Variants in RYR3 observed in about 807,000 individuals in gnomAD.
RYR3 encodes brain ryanodine receptor-calcium release channel.
Under a neutral mutation model 584.3 loss-of-function variants are expected in RYR3, and 207 were observed. That is an observed-to-expected ratio of 0.35 (90% CI 0.32 to 0.40). The LOEUF (loss-of-function observed/expected upper bound fraction) is 0.40. Ranked by LOEUF, RYR3 falls within the 10% of genes least tolerant of loss-of-function variation. RYR3 has a pLI of 1.00. For missense variants in RYR3, 5,616 were observed against 6,089.2 expected, an observed-to-expected ratio of 0.92 and a Z score of 2.59; for synonymous variants, 2,416 against 2,248.5, an observed-to-expected ratio of 1.07 and a Z score of -2.11.
In RYR3 at chr15:33,547,213, T is replaced by C. The variant is rs2056313893; in HGVS notation, c.741-917T>C. Among the ~76,000 whole-genome samples, 3 of 152,104 alleles carry C rather than the reference T, an allele frequency of 2.0e-5. No individual in the cohort carries two copies. The South Asian group carries it at 6.2e-4, about 32-fold the overall frequency. ...CCAAGTTGAGACACATTTCACAAAA[T>C]ACCCAACCGGTACTCCACAAAACTG... On this transcript the variant is annotated intron_variant, in intron 8 of 103. Transcript: ENST00000634891.
At chr15:33,404,278 A>T (rs1040625585) in intron 1 of RYR3, among the ~76,000 whole-genome samples, 1 of 152,200 alleles carries the variant, frequency 6.6e-6, no homozygotes. Flanking sequence ...TTGAACGTGT[A>T]TGTGTTCATG....
chr15:33,485,220 C>T (rs2050306683), intron 2 of RYR3, among the ~76,000 whole-genome samples: 1 of 152,106 alleles, frequency 6.6e-6, no homozygotes, highest in Non-Finnish European at 1.5e-5. Flanking sequence ...CCAGTGACAA[C>T]CTTGGAGGGA....
At chr15:33,399,849 A>C (rs2042537577) in intron 1 of RYR3, among the ~76,000 whole-genome samples, 1 of 152,160 alleles carries the variant, frequency 6.6e-6, no homozygotes, top group Non-Finnish European at 1.5e-5. Flanking sequence ...GTATATGTAT[A>C]TACATACAAT....
At chr15:33,732,240 T>A (rs1357571236) in intron 48 of RYR3, among the ~76,000 whole-genome samples, 57 of 138,918 alleles carry the variant, frequency 4.1e-4, no homozygotes, top group Non-Finnish European at 7.0e-4. Context: ...AAAAAAAAAA[T>A]AGCCGGGTAT....
At chr15:33,851,115 T>C (rs2079078886) in intron 94 of RYR3, 1 of 152,182 alleles carries the variant, frequency 6.6e-6, no homozygotes, top group Non-Finnish European at 1.5e-5. Context: ...TTCCATTATG[T>C]ATATTATCAC....
chr15:33,400,188 C>T (rs557261283), intron 1 of RYR3, among the ~76,000 whole-genome samples: 12 of 152,242 alleles, frequency 7.9e-5, no homozygotes, highest in African/African-American at 2.4e-4. Context: ...GAGTCAAGCA[C>T]GTTAATTCAT....
intron 96 of RYR3, among the ~76,000 whole-genome samples, chr15:33,854,003 C>G (rs11852646): frequency 0.047 from 7,146 of 152,012 alleles, 452 homozygotes; most frequent in African/African-American, 0.14. Context: ...ACCAGCCTGG[C>G]CAACATAGTG....
In RYR3 at chr15:33,731,525, TCTG is replaced by T; in HGVS notation, c.7259_7261del (p.Ala2420del). 3 of 1,613,838 alleles carry T rather than the reference TCTG, an allele frequency of 1.9e-6. No individual in the cohort carries two copies. Among genetic ancestry groups the T allele is most frequent in the Non-Finnish European group, 2.5e-6 (3 of 1,179,832 alleles). ...GCTTGCACTAAATAGGTATATATGT[TCTG>T]CTGTGCTCCCGCTCCTCACAAGATG... On this transcript the variant is annotated inframe_deletion, in exon 48 of 104. Transcript: ENST00000634891.
chr15:33,538,107 T>A (rs1034880941), intron 5 of RYR3, among the ~76,000 whole-genome samples: 3 of 152,180 alleles, frequency 2.0e-5, no homozygotes, highest in Non-Finnish European at 4.4e-5. Flanking sequence ...TAAGATTTTT[T>A]AAGTTTTCAT....
At chr15:33,542,999 C>A (rs10152838) in intron 7 of RYR3, among the ~76,000 whole-genome samples, 24,317 of 152,006 alleles carry the variant, frequency 0.16, 4,848 homozygotes, top group African/African-American at 0.47. Context: ...GATTCTTTTC[C>A]TTATTCTGAA....
chr15:33,862,639 C>T (rs532693386), intron 102 of RYR3, among the ~76,000 whole-genome samples: 1 of 152,224 alleles, frequency 6.6e-6, no homozygotes, highest in South Asian at 2.1e-4. Flanking sequence ...TTTATTGAGA[C>T]AGTCTCTGTC....
intron 27 of RYR3, among the ~76,000 whole-genome samples, chr15:33,640,770 G>A (rs1199885672): frequency 1.3e-5 from 2 of 152,270 alleles, no homozygotes; most frequent in East Asian, 1.9e-4. Flanking sequence ...CATCTTGGCC[G>A]AAGACTGTGC....
intron 99 of RYR3, 34 bp downstream of exon 99, chr15:33,857,948 C>T (rs769154833): frequency 1.2e-6 from 2 of 1,610,304 alleles, no homozygotes; most frequent in East Asian, 2.2e-5. Context: ...CCAGCCCACC[C>T]ACTGCGGGGC....
intron 33 of RYR3, 28 bp downstream of exon 33, chr15:33,659,834 C>G: frequency 6.9e-7 from 1 of 1,445,670 alleles, no homozygotes. Flanking sequence ...CATCTAATGG[C>G]CATGACAAGA....
Position 33,539,371 on chromosome 15 carries a change from T to C in RYR3, c.455T>C (p.Ile152Thr), listed in dbSNP as rs909638959. The C allele has an allele frequency of 2.5e-6, 4 of 1,596,260 alleles. No homozygotes were observed. Among genetic ancestry groups the C allele is most frequent in the Non-Finnish European group, 3.4e-6 (4 of 1,170,676 alleles). Residue 152 changes from isoleucine to threonine, a missense_variant, in exon 6 of 104, where the codon ATA (isoleucine) becomes ACA (threonine). This residue lies in a region of RYR3 where 1,284 missense variants were observed against 1,344.6 expected (regional missense o/e 0.95). Coordinates refer to ENST00000634891, the MANE Select transcript of RYR3 (RefSeq NM_001036.6). Reference sequence around the variant, plus strand: ...GTAGGAGAAGCCTGTTGGTGGACTATACATCCTGCTTCCAAACAGAGGTCC... The same window carrying C: ...GTAGGAGAAGCCTGTTGGTGGACTACACATCCTGCTTCCAAACAGAGGTCC... ...HATGEACWWTIHPASKQRSEG... is the reference protein window; with the variant it reads ...HATGEACWWTTHPASKQRSEG...
intron 94 of RYR3, chr15:33,851,116 A>G (rs554268217): frequency 2.0e-5 from 3 of 152,236 alleles, no homozygotes; most frequent in South Asian, 4.1e-4. Flanking sequence ...TCCATTATGT[A>G]TATTATCACA....
intron 19 of RYR3, among the ~76,000 whole-genome samples, chr15:33,618,557 G>A (rs1409080297): frequency 6.6e-6 from 1 of 152,152 alleles, no homozygotes; most frequent in Admixed American, 6.5e-5. Flanking sequence ...TTAGCGATAG[G>A]GGCTAAAGAT....
rs757138267 is a variant in RYR3, at chr15:33,670,446, A to G, written c.5750A>G (p.Glu1917Gly). 10 of 1,613,780 alleles carry G rather than the reference A, an allele frequency of 6.2e-6. No homozygotes were observed. Among genetic ancestry groups the G allele is most frequent in the Non-Finnish European group, 8.5e-6 (10 of 1,179,778 alleles). ...CGVPLEEEEE[E>G]EEDTSWTGKL... ...GTTCCTTTGGAAGAAGAGGAAGAGG[A>G]GGAGGAGGACACCTCCTGGACAGGA... Residue 1917 changes from glutamate (E) to glycine (G), a missense_variant, in exon 38 of 104, where the codon GAG becomes GGG. By Grantham distance (98) the Glu-to-Gly change is moderately conservative. Around this residue, in one of 9 missense-constraint regions of RYR3, gnomAD observed 1,280 missense variants for 1,426.2 expected, o/e 0.90. Transcript: ENST00000634891.
chr15:33,461,783 G>A (rs192703534), intron 1 of RYR3, among the ~76,000 whole-genome samples: 2 of 152,292 alleles, frequency 1.3e-5, no homozygotes, highest in East Asian at 3.9e-4. Flanking sequence ...GTCTTACTCA[G>A]ATTCTTCTGG....
Sources: gnomAD v4.1 joint callset for allele counts (sites outside exome capture counted in the v4.1 genomes callset) on GRCh38, gnomAD v4.1.1 for gene constraint, gnomAD v4.1.1 regional missense constraint, MANE v1.5 for transcripts, NCBI Gene and HGNC (gene_info 2026-07-23, HGNC 2026-07-21) for gene names.